NFATC2: variants seen among roughly 807,000 people sequenced by gnomAD.
The protein encoded by NFATC2 is nuclear factor of activated T-cells, cytoplasmic 2.
NFATC2 carries 22 observed loss-of-function variants against 87.3 expected under a neutral mutation model. The ratio of observed to expected loss-of-function variants is 0.25; its 90% CI spans 0.18 to 0.36. The LOEUF (loss-of-function observed/expected upper bound fraction) is 0.36. Ranked by LOEUF, NFATC2 falls within the 10% of genes least tolerant of loss-of-function variation. NFATC2 has a pLI of 1.00. For synonymous variants in NFATC2, 565 were observed against 542.2 expected, an observed-to-expected ratio of 1.04 and a Z score of -0.58; for missense variants, 1,149 against 1,259.1, an observed-to-expected ratio of 0.91 and a Z score of 1.32.
At chr20:51,541,149 C>T (rs1012324437) in intron 1 of NFATC2, among the ~76,000 whole-genome samples, 2 of 152,092 alleles carry the variant, frequency 1.3e-5, no homozygotes, top group Non-Finnish European at 2.9e-5. Context: ...CCGATGGAAG[C>T]GAAAACTTCA....
chr20:51,429,630 T>C (rs1982388689), intron 9 of NFATC2, among the ~76,000 whole-genome samples: 1 of 152,232 alleles, frequency 6.6e-6, no homozygotes, highest in African/African-American at 2.4e-5. Flanking sequence ...ACCTGGAGCG[T>C]GCGATGCGCT....
intron 5 of NFATC2, among the ~76,000 whole-genome samples, chr20:51,456,823 G>A (rs893236400): frequency 3.3e-5 from 5 of 152,218 alleles, no homozygotes; most frequent in Non-Finnish European, 5.9e-5. Flanking sequence ...CCAGGCCACT[G>A]GCATCCCCCT....
chr20:51,454,762 G>C (rs1460758939), intron 5 of NFATC2, 74 bp from the exon 6 acceptor site: 1 of 1,538,378 alleles, frequency 6.5e-7, no homozygotes, highest in Non-Finnish European at 8.9e-7. Context: ...TGATTTCATG[G>C]TACTGAGATA....
At chr20:51,449,736 T>C (rs1985537741) in intron 6 of NFATC2, among the ~76,000 whole-genome samples, 1 of 152,196 alleles carries the variant, frequency 6.6e-6, no homozygotes. Flanking sequence ...ATCAGCTGTG[T>C]GATCTTCACT....
intron 1 of NFATC2, among the ~76,000 whole-genome samples, chr20:51,559,263 C>T (rs987399664): frequency 1.3e-5 from 2 of 152,212 alleles, no homozygotes; most frequent in African/African-American, 2.4e-5. Flanking sequence ...AAGAAGCCCT[C>T]GCTAAAGCAC....
chr20:51,454,730 T>C (rs773583466), intron 5 of NFATC2, 42 bp from the exon 6 acceptor site: 1 of 1,606,230 alleles, frequency 6.2e-7, no homozygotes, highest in Non-Finnish European at 8.5e-7. Flanking sequence ...TAAGGGGAGA[T>C]GTCTGTTCAA....
At chr20:51,491,373 C>A (rs1657465123) in intron 3 of NFATC2, among the ~76,000 whole-genome samples, 1 of 152,138 alleles carries the variant, frequency 6.6e-6, no homozygotes, top group Non-Finnish European at 1.5e-5. Context: ...TTCAGGTAGC[C>A]CGTCTGTCTG....
chr20:51,410,390 AT>A (rs1979039359), intron 9 of NFATC2, among the ~76,000 whole-genome samples: 1 of 152,080 alleles, frequency 6.6e-6, no homozygotes, highest in African/African-American at 2.4e-5. Context: ...GCCAGAAAAC[AT>A]TTTCTACGCA....
intron 6 of NFATC2, among the ~76,000 whole-genome samples, chr20:51,442,454 T>A: frequency 6.6e-6 from 1 of 151,902 alleles, no homozygotes. Flanking sequence ...TAAAATAAAA[T>A]AAAATAAAAA....
intron 1 of NFATC2, among the ~76,000 whole-genome samples, chr20:51,525,984 C>A (rs948628981): frequency 6.7e-6 from 1 of 150,020 alleles, no homozygotes; most frequent in African/African-American, 2.5e-5. Context: ...AACCTCTTCG[C>A]CGTACTTAAG....
chr20:51,485,531 G>C (rs186871509), intron 3 of NFATC2, among the ~76,000 whole-genome samples: 3 of 118,118 alleles, frequency 2.5e-5, no homozygotes, highest in Non-Finnish European at 6.0e-5. Flanking sequence ...TTTTCTTGTT[G>C]ATTTTTTTTT....
chr20:51,510,523 C>T (rs2076256284), intron 3 of NFATC2, among the ~76,000 whole-genome samples: 1 of 152,240 alleles, frequency 6.6e-6, no homozygotes, highest in Admixed American at 6.5e-5. Context: ...TCATCTGATA[C>T]CTGCAGACCA....
chr20:51,465,343 G>A (rs1331753682), intron 5 of NFATC2, among the ~76,000 whole-genome samples: 3 of 152,122 alleles, frequency 2.0e-5, no homozygotes, highest in East Asian at 1.9e-4. Context: ...TTGCACCACT[G>A]CACTCCAGCC....
At chr20:51,498,349 T>C (rs1265083874) in intron 3 of NFATC2, among the ~76,000 whole-genome samples, 1 of 152,116 alleles carries the variant, frequency 6.6e-6, no homozygotes, top group Non-Finnish European at 1.5e-5. Context: ...AAGTACCTAC[T>C]ATGTGACAGG....
intron 3 of NFATC2, among the ~76,000 whole-genome samples, chr20:51,477,576 TATATAA>T (rs1177689758): frequency 1.3e-3 from 96 of 73,870 alleles, no homozygotes; most frequent in African/African-American, 2.3e-3. Flanking sequence ...TATATATATA[TATATAA>T]AATAACAAGA....
intron 3 of NFATC2, among the ~76,000 whole-genome samples, chr20:51,483,553 G>A (rs1364578674): frequency 6.6e-6 from 1 of 151,296 alleles, no homozygotes; most frequent in Non-Finnish European, 1.5e-5. Context: ...ATCTATTTTG[G>A]GGTGCTAAAG....
At chr20:51,522,331 C>T (rs1678266047) in intron 2 of NFATC2, among the ~76,000 whole-genome samples, 1 of 152,116 alleles carries the variant, frequency 6.6e-6, no homozygotes. Context: ...GTGATGTCTG[C>T]GCTAGGCACG....
chr20:51,562,696 G>A, upstream of NFATC2: 1 of 1,455,940 alleles, frequency 6.9e-7, no homozygotes, highest in Non-Finnish European at 9.4e-7. This position sits in a 1 kb window ranked among gnomAD's most constrained non-coding sequence, Gnocchi z 5.8. Context: ...CAGCAGCCGA[G>A]GGGACGCCGT....
chr20:51,439,541 G>A (rs893819373), intron 6 of NFATC2, among the ~76,000 whole-genome samples: 16 of 152,224 alleles, frequency 1.1e-4, no homozygotes, highest in African/African-American at 3.6e-4. Context: ...GTGAGGCGGT[G>A]AGCCGCCACA....
Sources: allele counts gnomAD v4.1 joint callset (sites outside exome capture counted in the v4.1 genomes callset), GRCh38; gene constraint gnomAD v4.1.1; non-coding constraint Gnocchi (gnomAD v3.1); transcripts MANE v1.5; gene names NCBI Gene and HGNC (gene_info 2026-07-23, HGNC 2026-07-21).